Variants in NEB observed in about 807,000 individuals in gnomAD.
NEB encodes the protein nemaline myopathy type 2.
NEB carries 512 observed loss-of-function variants against 952.2 expected under a neutral mutation model. That is an observed-to-expected ratio of 0.54 (90% CI 0.50 to 0.58). The LOEUF (loss-of-function observed/expected upper bound fraction) is 0.58. Among genes scored for constraint, NEB ranks in the 20% least tolerant of loss-of-function variants. The pLI is 0.00. For synonymous variants in NEB, 2,900 were observed against 3,149.8 expected (o/e 0.92, Z 2.66); for missense variants, 8,428 against 9,231.1 (o/e 0.91, Z 3.56).
At chr2:151,710,575 T>A in intron 10 of NEB, 37 bp from the exon 11 acceptor site, 1 of 1,273,084 alleles carries the variant, frequency 7.9e-7, no homozygotes, top group Non-Finnish European at 1.1e-6. Context: ...CAAGCATAAC[T>A]CATGAATTGA....
At chr2:151,576,060 GT>G (rs2096818842) in intron 106 of NEB, 90 bp downstream of exon 106, 1 of 1,063,528 alleles carries the variant, frequency 9.4e-7, no homozygotes, top group East Asian at 2.7e-5. Context: ...TATTAATAAA[GT>G]TTTTATTATT....
At position 151,627,723 on chromosome 2, in the gene NEB, C is replaced by T; in HGVS notation, c.9943G>A (p.Asp3315Asn). ...TCAAAGTCCTTCTTATACTCCCTGT[C>T]ACTCTGGATCTTGGCCACATGCATG... is the stretch of plus-strand genomic sequence containing the variant. ...WSMHVAKIQSDREYKKDFEKW... is the reference protein window; with the variant it reads ...WSMHVAKIQSNREYKKDFEKW... Residue 3315 changes from aspartate to asparagine, a missense_variant, in exon 69 of 182, where the codon GAC becomes AAC. By Grantham distance (23) the Asp-to-Asn change is conservative (BLOSUM62 1). Coordinates refer to ENST00000397345, the MANE Select transcript of NEB (RefSeq NM_001164508.2). 1 of 1,613,976 alleles carries T rather than the reference C, an allele frequency of 6.2e-7. No homozygotes were observed. Among genetic ancestry groups the T allele is most frequent in the African/African-American group, 1.3e-5 (1 of 75,048 alleles).
chr2:151,493,134 T>A (rs2057870394), intron 176 of NEB: 1 of 499,596 alleles, frequency 2.0e-6, no homozygotes, highest in Non-Finnish European at 3.6e-6. Context: ...TATGATGGTT[T>A]GGAATGTAAA....
chr2:151,727,623 CAGAG>C, intron 5 of NEB, 64 bp downstream of exon 5: 1 of 1,467,134 alleles, frequency 6.8e-7, no homozygotes, highest in Non-Finnish European at 9.3e-7. Flanking sequence ...GCATCCAAAA[CAGAG>C]TGAGTTGAGA....
chr2:151,498,660 A>AG (rs1268198763), intron 169 of NEB, among the ~76,000 whole-genome samples: 2 of 152,214 alleles, frequency 1.3e-5, no homozygotes, highest in Admixed American at 6.5e-5. Flanking sequence ...TGTTACAAGG[A>AG]GGGAAAAAAG....
intron 52 of NEB, among the ~76,000 whole-genome samples, chr2:151,652,933 C>T (rs1056400616): frequency 2.6e-5 from 4 of 152,160 alleles, no homozygotes; most frequent in Admixed American, 6.5e-5. Context: ...TTGCTTTAGG[C>T]TTATCACCTC....
At chr2:151,619,025 T>C (rs2098307703) in intron 73 of NEB, among the ~76,000 whole-genome samples, 1 of 152,210 alleles carries the variant, frequency 6.6e-6, no homozygotes, top group Non-Finnish European at 1.5e-5. Flanking sequence ...GTAAGAATGA[T>C]AGAATTTTCC....
intron 105 of NEB, among the ~76,000 whole-genome samples, chr2:151,577,511 C>G (rs1470286491): frequency 2.6e-5 from 4 of 152,164 alleles, no homozygotes; most frequent in Non-Finnish European, 5.9e-5. Flanking sequence ...TCAGCCATTC[C>G]ATTTTTATTC....
At chr2:151,510,690 A>G (rs2073530469) in intron 161 of NEB, among the ~76,000 whole-genome samples, 1 of 152,202 alleles carries the variant, frequency 6.6e-6, no homozygotes, top group African/African-American at 2.4e-5. Context: ...TACTGTGCTA[A>G]TTTACAAATT....
chr2:151,644,233 G>A (rs2098924354), intron 56 of NEB, 104 bp from the exon 57 acceptor site: 2 of 1,440,538 alleles, frequency 1.4e-6, no homozygotes, highest in East Asian at 2.3e-5. Context: ...ACTAAGCCTA[G>A]AGAGCCAAAG....
intron 3 of NEB, among the ~76,000 whole-genome samples, 176 bp downstream of exon 3, chr2:151,732,945 T>A (rs1442561838): frequency 6.6e-6 from 1 of 152,194 alleles, no homozygotes; most frequent in East Asian, 1.9e-4. Context: ...CAATTCTAAA[T>A]CCCACATAAT....
chr2:151,620,777 C>T, intron 72 of NEB, 142 bp downstream of exon 72: 1 of 590,336 alleles, frequency 1.7e-6, no homozygotes, highest in Non-Finnish European at 2.9e-6. Flanking sequence ...TGATCTTGGG[C>T]AAGTTATCTG....
At chr2:151,531,146 T>C in intron 144 of NEB, 45 bp from the exon 145 acceptor site, 1 of 1,238,484 alleles carries the variant, frequency 8.1e-7, no homozygotes, top group Non-Finnish European at 1.2e-6. Flanking sequence ...TGCTTCTCAA[T>C]GTATAATATC....
chr2:151,678,080 T>A lies in NEB; in HGVS notation c.3363A>T (p.Gln1121His), dbSNP rs370560340. The change falls in exon 33 of 182, where the codon CAA (glutamine) becomes CAT (histidine). Residue 1121 changes from glutamine (Q) to histidine (H), a missense_variant. Physicochemically the swap from Gln to His is conservative, Grantham distance 24. Around this residue, in one of 11 missense-constraint regions of NEB, gnomAD observed 2,851 missense variants for 2,791.5 expected, o/e 1.02. Coordinates refer to ENST00000397345, the MANE Select transcript of NEB (RefSeq NM_001164508.2). ...AGTCTTTTTTATACTCCCGATCTGA[T>A]TGTATCTTGGCCACGTTCATATAAT... ...LVHYMNVAKI[Q>H]SDREYKKDYE... 59 of 1,613,922 alleles carry A rather than the reference T, an allele frequency of 3.7e-5. No homozygotes were observed. Among genetic ancestry groups the A allele is most frequent in the Non-Finnish European group, 4.8e-5 (57 of 1,179,838 alleles).
At chr2:151,509,059 C>T (rs2071739711) in intron 161 of NEB, among the ~76,000 whole-genome samples, 1 of 152,184 alleles carries the variant, frequency 6.6e-6, no homozygotes, top group Non-Finnish European at 1.5e-5. Flanking sequence ...AGACTAGCCA[C>T]TGTTATAATG....
intron 124 of NEB, among the ~76,000 whole-genome samples, chr2:151,558,420 C>T (rs1430338793): frequency 1.3e-5 from 2 of 152,112 alleles, no homozygotes; most frequent in East Asian, 1.9e-4. Flanking sequence ...GACTCAATAT[C>T]GTGAAAATAG....
chr2:151,540,910 A>C, intron 136 of NEB, 109 bp from the exon 137 acceptor site: 1 of 891,162 alleles, frequency 1.1e-6, no homozygotes, highest in South Asian at 1.4e-5. Flanking sequence ...GTATCTGCTT[A>C]CTGTCCTGAT....
intron 107 of NEB, among the ~76,000 whole-genome samples, chr2:151,573,408 T>C (rs572032031): frequency 2.6e-5 from 4 of 152,278 alleles, no homozygotes; most frequent in African/African-American, 7.2e-5. Context: ...CAGATGCCTA[T>C]GGATTGAGTG....
rs748482247 is a variant in NEB at position 151,643,849 on chromosome 2, T to C, written c.7925A>G (p.His2642Arg). 7 of 1,613,812 alleles carry C rather than the reference T, an allele frequency of 4.3e-6. No homozygotes were observed. Among genetic ancestry groups the C allele is most frequent in the Non-Finnish European group, 5.9e-6 (7 of 1,179,794 alleles). The change falls in exon 57 of 182, where the codon CAT (histidine) becomes CGT (arginine). Residue 2642 changes from histidine (H) to arginine (R), a missense_variant. By Grantham distance (29) the His-to-Arg change is conservative. This residue lies in a region of NEB where 1,772 missense variants were observed against 1,960.3 expected (regional missense o/e 0.90). Transcript: ENST00000397345. ...CTGGAGGTCATAGGCCTGCCGAGCA[T>C]GGATGACATCGCTCTGGTCGGGCAG... ...TCLPDQSDVI[H>R]ARQAYDLQSD... is the part of the protein sequence containing the mutation.
Sources: allele counts gnomAD v4.1 joint callset (sites outside exome capture counted in the v4.1 genomes callset), GRCh38; gene constraint gnomAD v4.1.1; regional missense constraint gnomAD v4.1.1; transcripts MANE v1.5; gene names NCBI Gene and HGNC (gene_info 2026-07-23, HGNC 2026-07-21).